The following PDE1C variants were observed in gnomAD, a reference collection of about 807,000 sequenced individuals.
PDE1C encodes the protein phosphodiesterase 1C.
In PDE1C, 62 loss-of-function variants were observed where a neutral mutation model predicts 93.1. The ratio of observed to expected loss-of-function variants is 0.67; its 90% CI spans 0.54 to 0.82. The LOEUF is 0.82. Among genes scored for constraint, PDE1C ranks in the 40% least tolerant of loss-of-function variants. The pLI is 0.00. For missense variants in PDE1C, 742 were observed against 884.6 expected (o/e 0.84, Z 2.04); for synonymous variants, 325 against 310.1 (o/e 1.05, Z -0.50).
intron 2 of PDE1C, among the ~76,000 whole-genome samples, chr7:31,897,602 C>G (rs1182268736): frequency 1.3e-5 from 2 of 152,130 alleles, no homozygotes; most frequent in Non-Finnish European, 2.9e-5. Flanking sequence ...CATCTCTCCC[C>G]CTTTTGTCTC....
intron 2 of PDE1C, among the ~76,000 whole-genome samples, chr7:32,008,959 C>T (rs187149188): frequency 6.6e-6 from 1 of 152,050 alleles, no homozygotes; most frequent in Admixed American, 6.6e-5. Flanking sequence ...TAGATTCCTC[C>T]AAGTTAGATA....
the PDE1C span, among the ~76,000 whole-genome samples, chr7:31,623,217 C>A: frequency 6.6e-6 from 1 of 152,100 alleles, no homozygotes; most frequent in African/African-American, 2.4e-5. Flanking sequence ...CTATTCCAAT[C>A]AATAGAAAAA....
chr7:31,859,355 C>T (rs2128821764), intron 7 of PDE1C, among the ~76,000 whole-genome samples: 1 of 148,474 alleles, frequency 6.7e-6, no homozygotes, highest in South Asian at 2.1e-4. Context: ...GGACATTGGC[C>T]ATATATATAG....
chr7:32,281,571 C>T (rs75765931), intron 1 of PDE1C, among the ~76,000 whole-genome samples: 2,798 of 152,196 alleles, frequency 0.018, 37 homozygotes, highest in Middle Eastern at 0.031. Flanking sequence ...CAGAGTGAGA[C>T]CTTGCCTATA....
At chr7:32,166,658 C>G (rs996692412) in intron 3 of PDE1C, among the ~76,000 whole-genome samples, 2 of 152,164 alleles carry the variant, frequency 1.3e-5, no homozygotes, top group Non-Finnish European at 2.9e-5. Flanking sequence ...ATCTTTATTT[C>G]TAAGTCAGTG....
At chr7:31,707,086 C>G in the PDE1C span, 1 of 865,708 alleles carries the variant, frequency 1.2e-6, no homozygotes, top group Non-Finnish European at 1.8e-6. Flanking sequence ...AGCAGGTAAC[C>G]TTGTAGACAC....
upstream of PDE1C, among the ~76,000 whole-genome samples, chr7:32,301,113 CA>C (rs1360679478): frequency 6.6e-6 from 1 of 152,176 alleles, no homozygotes; most frequent in Non-Finnish European, 1.5e-5. Context: ...GTTGGGATTA[CA>C]GGAATGAGAC....
intron 2 of PDE1C, among the ~76,000 whole-genome samples, chr7:31,909,395 A>C (rs1317384869): frequency 2.6e-5 from 4 of 152,226 alleles, no homozygotes; most frequent in Non-Finnish European, 5.9e-5. Context: ...AAGTGAATGA[A>C]TGAGGGAATG....
intron 2 of PDE1C, among the ~76,000 whole-genome samples, chr7:31,929,288 C>A (rs1266662415): frequency 1.3e-5 from 2 of 152,132 alleles, no homozygotes; most frequent in Non-Finnish European, 2.9e-5. Flanking sequence ...ATTCATAAAG[C>A]AAGTTCTTAG....
At chr7:31,890,268 A>T (rs1437361141) in intron 2 of PDE1C, among the ~76,000 whole-genome samples, 1 of 152,248 alleles carries the variant, frequency 6.6e-6, no homozygotes, top group Non-Finnish European at 1.5e-5. Flanking sequence ...GTTCATTTGC[A>T]GCTATTCATG....
chr7:31,867,186 A>C (rs1229336364), intron 6 of PDE1C, among the ~76,000 whole-genome samples: 1 of 152,062 alleles, frequency 6.6e-6, no homozygotes, highest in Non-Finnish European at 1.5e-5. Flanking sequence ...CCCAGGAACA[A>C]ACCCACCATG....
At chr7:32,257,742 C>T (rs939986657) in intron 1 of PDE1C, among the ~76,000 whole-genome samples, 5 of 152,176 alleles carry the variant, frequency 3.3e-5, no homozygotes, top group African/African-American at 1.2e-4. Context: ...TTGTCCAAAC[C>T]TAGTGAGGCT....
chr7:31,762,920 C>T (rs1045982224), intron 17 of PDE1C, among the ~76,000 whole-genome samples: 2 of 152,152 alleles, frequency 1.3e-5, no homozygotes, highest in African/African-American at 4.8e-5. Flanking sequence ...AGTTTTGCTA[C>T]CTTCCATGCA....
At chr7:32,154,853 C>A (rs1801471835) in intron 3 of PDE1C, among the ~76,000 whole-genome samples, 1 of 152,220 alleles carries the variant, frequency 6.6e-6, no homozygotes, top group Non-Finnish European at 1.5e-5. Flanking sequence ...GACATGAGCC[C>A]ACAGCCAGGT....
intron 1 of PDE1C, among the ~76,000 whole-genome samples, chr7:32,420,310 C>T (rs867211636): frequency 6.8e-5 from 1 of 14,706 alleles, no homozygotes; most frequent in East Asian, 1.7e-3. Flanking sequence ...TATATATATA[C>T]ATGTGTATAT....
intron 2 of PDE1C, among the ~76,000 whole-genome samples, chr7:32,180,916 T>A (rs1365823260): frequency 1.3e-5 from 2 of 152,214 alleles, no homozygotes; most frequent in African/African-American, 4.8e-5. Flanking sequence ...TCTTTTGTTA[T>A]CTGCGAGACA....
At chr7:31,637,719 G>A in the PDE1C span, among the ~76,000 whole-genome samples, 2 of 152,112 alleles carry the variant, frequency 1.3e-5, no homozygotes, top group African/African-American at 4.8e-5. Context: ...TTCTATTGCT[G>A]TGCAGAAGCT....
chr7:32,097,555 C>T (rs1325859189), intron 3 of PDE1C, among the ~76,000 whole-genome samples: 1 of 152,180 alleles, frequency 6.6e-6, no homozygotes, highest in Non-Finnish European at 1.5e-5. Context: ...AACTTCATTG[C>T]CGATACTTGG....
intron 1 of PDE1C, among the ~76,000 whole-genome samples, chr7:32,238,386 C>A (rs1808292995): frequency 6.6e-6 from 1 of 152,162 alleles, no homozygotes; most frequent in Non-Finnish European, 1.5e-5. Flanking sequence ...AGGAAGACAA[C>A]AGCATAAAGA....
Sources: gnomAD v4.1 joint callset for allele counts (sites outside exome capture counted in the v4.1 genomes callset) on GRCh38, gnomAD v4.1.1 for gene constraint, MANE v1.5 for transcripts, NCBI Gene and HGNC (gene_info 2026-07-23, HGNC 2026-07-21) for gene names.